The following LYRM9 variants were observed in gnomAD, a reference collection of about 807,000 sequenced individuals.
LYRM9 encodes the protein LYR motif containing 9.
A neutral mutation model predicts 12.6 loss-of-function variants in LYRM9; 14 were observed. That is an observed-to-expected ratio of 1.11 (90% CI 0.73 to 1.73). The LOEUF is 1.73. Among genes scored for constraint, LYRM9 ranks in the 40% most tolerant of loss-of-function variants. The probability of loss-of-function intolerance (pLI) is 0.00; values close to 1 mark genes in which losing one functional copy is unlikely to be tolerated. For missense variants in LYRM9, 94 were observed against 95.0 expected (o/e 0.99, Z 0.04); for synonymous variants, 42 against 35.1 (o/e 1.20, Z -0.69).
chr17:27,882,664 G>A lies in LYRM9; in HGVS notation c.31C>T (p.Arg11Trp), dbSNP rs540861650. The change falls in exon 2 of 4, where the codon CGG becomes TGG. Residue 11 changes from arginine to tryptophan, a missense_variant. By Grantham distance (101) the Arg-to-Trp change is moderately radical (BLOSUM62 -3). Coordinates refer to ENST00000379102, the MANE Select transcript of LYRM9 (RefSeq NM_001076680.3). ...TATCGGTAGAGCTGCAGTGGCCTCC[G>A]AACCAGTTCTGCTCCTGGCAGCGGG... is the stretch of plus-strand genomic sequence containing the variant. MAPLPGAELVRRPLQLYRYLL... is the reference protein window; with the variant it reads MAPLPGAELVWRPLQLYRYLL... 19 of 1,604,612 alleles carry A rather than the reference G, an allele frequency of 1.2e-5. No homozygotes were observed. The highest frequency in any genetic ancestry group is 6.8e-5 in the Admixed American group (4 of 58,908).
At position 27,882,636 on chromosome 17, in the gene LYRM9, A is replaced by C. The variant is rs1905100471; in HGVS notation, c.59T>G (p.Leu20Trp). Residue 20 changes from leucine to tryptophan, a missense_variant, in exon 2 of 4, where the codon TTG (leucine) becomes TGG (tryptophan). By Grantham distance (61) the Leu-to-Trp change is moderately conservative (BLOSUM62 -2). Transcript: ENST00000379102. ...CGGCAGCTGCTGGCAACAGCGCAGCAAGTATCGGTAGAGCTGCAGTGGCCT... is the reference window on the plus strand; with the variant it reads ...CGGCAGCTGCTGGCAACAGCGCAGCCAGTATCGGTAGAGCTGCAGTGGCCT... ...VRRPLQLYRY[L>W]LRCCQQLPTK... The C allele has an allele frequency of 6.2e-7, 1 of 1,602,360 alleles. No individual in the cohort carries two copies. Among genetic ancestry groups the C allele is most frequent in the Non-Finnish European group, 8.5e-7 (1 of 1,175,054 alleles).
chr17:27,881,496 T>C (rs1905057395), intron 2 of LYRM9, among the ~76,000 whole-genome samples: 2 of 152,062 alleles, frequency 1.3e-5, no homozygotes, highest in South Asian at 2.1e-4. Context: ...AACTTTCTAT[T>C]TGGAAATGAT....
At chr17:27,881,656 C>T (rs998331684) in intron 2 of LYRM9, among the ~76,000 whole-genome samples, 8 of 152,288 alleles carry the variant, frequency 5.3e-5, no homozygotes, top group East Asian at 1.9e-4. Context: ...GTTGCAGACA[C>T]GCTATCCTTA....
rs1305434485 is a variant in LYRM9 at position 27,879,252 on chromosome 17, T to TC, written c.*220dup. 2 of 435,568 alleles carry TC rather than the reference T, an allele frequency of 4.6e-6. No individual in the cohort carries two copies. The highest frequency in any genetic ancestry group is 3.6e-5 in the East Asian group (1 of 27,406). 27.0% of individuals were successfully genotyped at this position (435,568 alleles called of 1,614,324 possible). ...AAAGAAGCAAAAAAATACTACATTCTCCCCAAATTTCACATCGTAAGTGGC... is the reference window on the plus strand; with the variant it reads ...AAAGAAGCAAAAAAATACTACATTCTCCCCCAAATTTCACATCGTAAGTGGC... On this transcript the variant is annotated 3_prime_UTR_variant, in exon 4 of 4. Transcript: ENST00000379102.
Position 27,879,503 on chromosome 17 carries a change from G to C in LYRM9, c.220-13C>G. On this transcript the variant is annotated splice_polypyrimidine_tract_variant and intron_variant, in intron 3 of 3. Coordinates refer to ENST00000379102, the MANE Select transcript of LYRM9 (RefSeq NM_001076680.3). ...TTTGTTTTTTATACTGCAAGACAGAGAGATTCGAAGTGGAGGAGGGAAGCC... is the reference window on the plus strand; with the variant it reads ...TTTGTTTTTTATACTGCAAGACAGACAGATTCGAAGTGGAGGAGGGAAGCC... The C allele has an allele frequency of 1.3e-6, 2 of 1,552,176 alleles. No individual in the cohort carries two copies. The highest frequency in any genetic ancestry group is 1.7e-6 in the Non-Finnish European group (2 of 1,147,294).
In LYRM9 at chr17:27,882,723, A is replaced by G; in HGVS notation, c.-18-11T>C. On this transcript the variant is annotated splice_polypyrimidine_tract_variant and intron_variant, in intron 1 of 3. Coordinates refer to ENST00000379102, the MANE Select transcript of LYRM9 (RefSeq NM_001076680.3). ...TGAGACCCTCTGTCCCTGGAAAACA[A>G]GCAGGATCACTTCCAGGGCATCAAG... 6.3e-7 allele frequency: 1 copy of G among 1,576,002 alleles called. No individual in the cohort carries two copies. The highest frequency in any genetic ancestry group is 8.6e-7 in the Non-Finnish European group (1 of 1,160,664).
At chr17:27,882,025 G>A (rs1659588356) in intron 2 of LYRM9, among the ~76,000 whole-genome samples, 1 of 152,100 alleles carries the variant, frequency 6.6e-6, no homozygotes, top group South Asian at 2.1e-4. Flanking sequence ...AAAATGCTGG[G>A]ATTACAGACA....
chr17:27,881,331 C>G (rs1242050033), intron 2 of LYRM9: 3 of 151,840 alleles, frequency 2.0e-5, no homozygotes, highest in Non-Finnish European at 4.4e-5. Flanking sequence ...TTTAGGAGCG[C>G]CCCCCGCTCA....
At chr17:27,887,714 GT>G (rs376671917) in intron 1 of LYRM9, among the ~76,000 whole-genome samples, 59,464 of 111,732 alleles carry the variant, frequency 0.53, 13,359 homozygotes, top group South Asian at 0.63. Context: ...AGGAGGGAGG[GT>G]GTGTGTGTGT....
At position 27,882,553 on chromosome 17, in the gene LYRM9, T is replaced by C; in HGVS notation, c.126+16A>G. 1 of 1,566,848 alleles carries C rather than the reference T, an allele frequency of 6.4e-7. No homozygotes were observed. The highest frequency in any genetic ancestry group is 1.2e-5 in the South Asian group (1 of 83,624). On this transcript the variant is annotated intron_variant, in intron 2 of 3. Transcript: ENST00000379102. The stretch of plus-strand genomic sequence containing the variant: ...CATTAGAGGCAGCCCCCAGACCTGG[T>C]AGAGCCAGCTCGCACCTGCCTGACA...
chr17:27,886,652 T>C lies in LYRM9; in HGVS notation c.-18-3940A>G, dbSNP rs563983104. ...GTTTCTTTCTTTTCTTTTCTTTTTT[T>C]ATTTTTTTTTTTTTGAGACAGAGTT... On this transcript the variant is annotated intron_variant, in intron 1 of 3. Coordinates refer to ENST00000379102, the MANE Select transcript of LYRM9 (RefSeq NM_001076680.3). The surrounding 1 kb of genome is among the most constrained non-coding windows in gnomAD (Gnocchi z 4.8). Among the ~76,000 whole-genome samples the C allele has an allele frequency of 4.4e-5, 3 of 68,410 alleles. No individual in the cohort carries two copies. Among genetic ancestry groups the C allele is most frequent in the South Asian group, 1.2e-3 (2 of 1,716 alleles). The allele number at this position is 68,410 out of a possible 152,430, so 44.9% of individuals were successfully genotyped here. A position where few individuals can be genotyped will look rare whatever the true frequency, so the allele number is the denominator to read the frequency against.
intron 2 of LYRM9, 132 bp downstream of exon 2, chr17:27,882,437 T>C (rs954504261): frequency 2.4e-6 from 3 of 1,273,452 alleles, no homozygotes; most frequent in African/African-American, 3.0e-5. Flanking sequence ...ACTGGTTTCC[T>C]GTGGCTCTTC....
chr17:27,880,765 G>A (rs1567662455), intron 2 of LYRM9: 1 of 215,010 alleles, frequency 4.7e-6, no homozygotes, highest in Non-Finnish European at 9.3e-6. Flanking sequence ...CAGCAGGGAG[G>A]AAGAAGTAGG....
Position 27,878,659 on chromosome 17 carries a change from G to A in LYRM9, c.*814C>T, listed in dbSNP as rs542123963. The A allele has an allele frequency of 6.6e-6, 1 of 152,362 alleles. No homozygotes were observed. The highest frequency in any genetic ancestry group is 2.1e-4 in the South Asian group (1 of 4,824). The allele number at this position is 152,362 out of a possible 1,614,324, so 9.4% of individuals were successfully genotyped here. A position where few individuals can be genotyped will look rare whatever the true frequency, so the allele number is the denominator to read the frequency against. ...CTGCAGGTGCACAGAGGCTTGGACA[G>A]GCCAGAGTCCATGGCAGCTGCTTTG... On this transcript the variant is annotated 3_prime_UTR_variant, in exon 4 of 4. Coordinates refer to ENST00000379102, the MANE Select transcript of LYRM9 (RefSeq NM_001076680.3).
chr17:27,883,321 C>T, intron 1 of LYRM9: 1 of 239,302 alleles, frequency 4.2e-6, no homozygotes, highest in East Asian at 1.3e-4. Flanking sequence ...AGAGAAGTTG[C>T]TGGACAGAGT....
chr17:27,888,019 C>G (rs1434055999), intron 1 of LYRM9, among the ~76,000 whole-genome samples: 1 of 152,144 alleles, frequency 6.6e-6, no homozygotes, highest in Non-Finnish European at 1.5e-5. Flanking sequence ...GTGCTTTACT[C>G]CATCGAACAA....
chr17:27,884,458 G>C (rs1209902721), intron 1 of LYRM9, among the ~76,000 whole-genome samples: 1 of 152,210 alleles, frequency 6.6e-6, no homozygotes, highest in African/African-American at 2.4e-5. Context: ...GCCTTTCAGT[G>C]CACATGCAGC....
At chr17:27,879,781 T>C (rs1904977624) in intron 3 of LYRM9, 2 of 545,066 alleles carry the variant, frequency 3.7e-6, no homozygotes, top group Non-Finnish European at 6.5e-6. Context: ...ACTCCAACTC[T>C]CTAGGTCCTT....
chr17:27,879,741 T>G, intron 3 of LYRM9: 1 of 543,120 alleles, frequency 1.8e-6, no homozygotes, highest in South Asian at 2.4e-5. Context: ...CTCTGGAGAG[T>G]GAGTTAGAAG....
Sources: allele counts gnomAD v4.1 joint callset (sites outside exome capture counted in the v4.1 genomes callset), GRCh38; gene constraint gnomAD v4.1.1; non-coding constraint Gnocchi (gnomAD v3.1); transcripts MANE v1.5; gene names NCBI Gene and HGNC (gene_info 2026-07-23, HGNC 2026-07-21).